AMPH: variants seen among roughly 807,000 people sequenced by gnomAD.
AMPH encodes amphiphysin, also known as amphiphysin (Stiff-Mann syndrome with breast cancer 128kD autoantigen).
Under a neutral mutation model 99.1 loss-of-function variants are expected in AMPH, and 49 were observed. That is an observed-to-expected ratio of 0.49 (90% CI 0.39 to 0.63). The LOEUF is 0.63. Among genes scored for constraint, AMPH ranks in the 20% least tolerant of loss-of-function variants. The pLI, the probability that AMPH is intolerant of heterozygous loss-of-function variation, is 0.00. For missense variants in AMPH, 759 were observed against 863.4 expected, an observed-to-expected ratio of 0.88 and a Z score of 1.52; for synonymous variants, 314 against 317.3, an observed-to-expected ratio of 0.99 and a Z score of 0.11.
chr7:38,604,442 G>C (rs1370678033), intron 1 of AMPH, among the ~76,000 whole-genome samples: 1 of 152,186 alleles, frequency 6.6e-6, no homozygotes, highest in African/African-American at 2.4e-5. Flanking sequence ...GTGCTGATGT[G>C]GGGTAGAGAA....
At chr7:38,432,942 T>C (rs1786094184) in intron 12 of AMPH, among the ~76,000 whole-genome samples, 1 of 152,236 alleles carries the variant, frequency 6.6e-6, no homozygotes, top group Non-Finnish European at 1.5e-5. Context: ...ATGGTTCAAA[T>C]GGCTTCCACT....
chr7:38,533,598 A>T (rs944328417), intron 2 of AMPH, among the ~76,000 whole-genome samples: 1 of 152,232 alleles, frequency 6.6e-6, no homozygotes, highest in African/African-American at 2.4e-5. Context: ...AATGGAAGAA[A>T]GAAACCTCCA....
intron 1 of AMPH, among the ~76,000 whole-genome samples, chr7:38,555,174 A>G (rs1434636786): frequency 6.6e-6 from 1 of 152,014 alleles, no homozygotes; most frequent in Non-Finnish European, 1.5e-5. Flanking sequence ...TTGGGAGACC[A>G]GTGAACAATC....
intron 17 of AMPH, among the ~76,000 whole-genome samples, chr7:38,417,128 T>C (rs554127715): frequency 6.6e-6 from 1 of 152,326 alleles, no homozygotes; most frequent in African/African-American, 2.4e-5. Flanking sequence ...GGGTATTTGG[T>C]ACTCTACACT....
At chr7:38,442,529 T>G (rs1469864830) in intron 11 of AMPH, among the ~76,000 whole-genome samples, 6 of 152,220 alleles carry the variant, frequency 3.9e-5, no homozygotes, top group Non-Finnish European at 5.9e-5. Context: ...CAGAATGGTC[T>G]CTAGAAAATC....
At chr7:38,511,588 A>C (rs1474171824) in intron 2 of AMPH, among the ~76,000 whole-genome samples, 14 of 152,220 alleles carry the variant, frequency 9.2e-5, no homozygotes, top group African/African-American at 3.4e-4. Flanking sequence ...CTAAAGGAAA[A>C]AAGAATAAGT....
chr7:38,472,481 T>A (rs1158329522), intron 7 of AMPH, among the ~76,000 whole-genome samples: 2 of 152,160 alleles, frequency 1.3e-5, no homozygotes, highest in African/African-American at 4.8e-5. Context: ...ATTAATATGA[T>A]CTTTAGCTTC....
At chr7:38,410,254 G>A (rs1785174966) in intron 17 of AMPH, among the ~76,000 whole-genome samples, 1 of 152,220 alleles carries the variant, frequency 6.6e-6, no homozygotes, top group Non-Finnish European at 1.5e-5. Flanking sequence ...AGACTAGACT[G>A]AGAAACAGTG....
At chr7:38,460,448 A>G (rs78871720) in intron 11 of AMPH, among the ~76,000 whole-genome samples, 14,690 of 152,260 alleles carry the variant, frequency 0.096, 949 homozygotes, top group Middle Eastern at 0.2. Flanking sequence ...CTAAGTGTCC[A>G]TTGATGGGCA....
chr7:38,613,882 C>T (rs141430603), intron 1 of AMPH, among the ~76,000 whole-genome samples: 68 of 151,978 alleles, frequency 4.5e-4, no homozygotes, highest in African/African-American at 1.5e-3. Flanking sequence ...TGTAAGGAAC[C>T]CAGGATGCCA....
At chr7:38,610,740 T>C (rs1332120992) in intron 1 of AMPH, among the ~76,000 whole-genome samples, 1 of 152,182 alleles carries the variant, frequency 6.6e-6, no homozygotes, top group Non-Finnish European at 1.5e-5. Context: ...TCTATCCATC[T>C]TGATTTGCCC....
intron 2 of AMPH, among the ~76,000 whole-genome samples, chr7:38,519,852 A>G (rs1789886837): frequency 6.6e-6 from 1 of 152,210 alleles, no homozygotes; most frequent in Admixed American, 6.5e-5. Flanking sequence ...ACTATTGACA[A>G]CAGCAGATTT....
chr7:38,535,083 T>A (rs1354197675), intron 1 of AMPH, 72 bp from the exon 2 acceptor site: 1 of 1,349,956 alleles, frequency 7.4e-7, no homozygotes, highest in Non-Finnish European at 1.1e-6. Flanking sequence ...TTTCTGTTAA[T>A]GGAGCAAGGC....
rs535768119 is a variant in AMPH, at chr7:38,420,359, G to A, written c.1272+2062C>T. ...GATTTAATATAGTCCTGTGGGAATT[G>A]TGCCCTACCTTCACTGTTTTTCCTA... On this transcript the variant is annotated intron_variant, in intron 16 of 20. Coordinates refer to ENST00000356264, the MANE Select transcript of AMPH (RefSeq NM_001635.4). 3.9e-5 allele frequency among the ~76,000 whole-genome samples: 6 copies of A among 152,342 alleles called. No individual in the cohort carries two copies. The South Asian group carries it at 1.2e-3, about 32-fold the overall frequency.
chr7:38,556,937 G>T (rs529167291), intron 1 of AMPH, among the ~76,000 whole-genome samples: 67 of 152,212 alleles, frequency 4.4e-4, no homozygotes, highest in African/African-American at 1.6e-3. Context: ...AAATTGACTT[G>T]GATGAATGAA....
intron 17 of AMPH, 108 bp downstream of exon 17, chr7:38,417,717 G>A: frequency 7.1e-7 from 1 of 1,408,276 alleles, no homozygotes; most frequent in Admixed American, 2.0e-5. Flanking sequence ...CAGATATGGA[G>A]CATGTTTGGC....
At chr7:38,398,657 A>G (rs1784755273) in intron 17 of AMPH, among the ~76,000 whole-genome samples, 1 of 152,156 alleles carries the variant, frequency 6.6e-6, no homozygotes, top group African/African-American at 2.4e-5. Flanking sequence ...GTCAACAATA[A>G]CTTATTGTAC....
At chr7:38,528,358 T>C (rs547677712) in intron 2 of AMPH, among the ~76,000 whole-genome samples, 25 of 152,328 alleles carry the variant, frequency 1.6e-4, no homozygotes, top group African/African-American at 5.8e-4. Flanking sequence ...AGTGAAACTA[T>C]CAGAGGGTGT....
chr7:38,494,832 C>A (rs1036963378), intron 3 of AMPH, among the ~76,000 whole-genome samples: 3 of 152,156 alleles, frequency 2.0e-5, no homozygotes, highest in Non-Finnish European at 2.9e-5. Flanking sequence ...CGTGTGCTAT[C>A]ACTTGCCAAG....
Sources: allele counts gnomAD v4.1 joint callset (sites outside exome capture counted in the v4.1 genomes callset), GRCh38; gene constraint gnomAD v4.1.1; transcripts MANE v1.5; gene names NCBI Gene and HGNC (gene_info 2026-07-23, HGNC 2026-07-21).